CHIC2: variants seen among roughly 807,000 people sequenced by gnomAD.
CHIC2 encodes the protein cysteine rich hydrophobic domain 2.
A neutral mutation model predicts 25.9 loss-of-function variants in CHIC2; 14 were observed. The ratio of observed to expected loss-of-function variants is 0.54; its 90% CI spans 0.36 to 0.85. CHIC2 has a LOEUF of 0.85. Ranked by LOEUF, CHIC2 falls within the 40% of genes least tolerant of loss-of-function variation. The probability of loss-of-function intolerance (pLI) is 0.01; values close to 1 mark genes in which losing one functional copy is unlikely to be tolerated. For missense variants in CHIC2, 146 were observed against 202.0 expected, an observed-to-expected ratio of 0.72 and a Z score of 1.68; for synonymous variants, 70 against 72.0, an observed-to-expected ratio of 0.97 and a Z score of 0.14.
intron 3 of CHIC2, among the ~76,000 whole-genome samples, chr4:54,043,900 A>C (rs1013205812): frequency 1.3e-5 from 2 of 152,236 alleles, no homozygotes; most frequent in African/African-American, 4.8e-5. Flanking sequence ...TGCTGTATTC[A>C]GGAAACACAT....
chr4:54,027,588 A>G (rs1716099751), intron 3 of CHIC2, among the ~76,000 whole-genome samples: 2 of 152,300 alleles, frequency 1.3e-5, no homozygotes, highest in East Asian at 1.9e-4. Flanking sequence ...TAAGATTTCA[A>G]AAAGGTCAAA....
At chr4:54,067,761 T>A (rs766404104), upstream of CHIC2, among the ~76,000 whole-genome samples, 1 of 152,202 alleles carries the variant, frequency 6.6e-6, no homozygotes, top group African/African-American at 2.4e-5. Flanking sequence ...GTTAATTCCT[T>A]AGACTTGAAA....
chr4:54,020,803 G>A (rs571793915), intron 3 of CHIC2, among the ~76,000 whole-genome samples: 8 of 152,222 alleles, frequency 5.3e-5, no homozygotes, highest in African/African-American at 1.9e-4. Flanking sequence ...TCACAGACTC[G>A]GGAAGACAGC....
intron 3 of CHIC2, among the ~76,000 whole-genome samples, chr4:54,023,063 T>C (rs1054109343): frequency 3.3e-5 from 5 of 152,096 alleles, no homozygotes; most frequent in African/African-American, 7.2e-5. Flanking sequence ...GCTGACCCCA[T>C]AGATCCTAAT....
the CHIC2 span, among the ~76,000 whole-genome samples, chr4:54,086,575 A>G: frequency 5.9e-5 from 9 of 152,236 alleles, no homozygotes; most frequent in African/African-American, 2.2e-4. Flanking sequence ...TATGTAGCAT[A>G]TAGTTGGAAA....
At chr4:54,059,713 C>T (rs1214142617) in intron 1 of CHIC2, 7 of 152,060 alleles carry the variant, frequency 4.6e-5, no homozygotes, top group East Asian at 1.9e-4. Context: ...TGCCTTTGTT[C>T]GGAGGTGCAG....
chr4:54,064,334 T>C lies in CHIC2; in HGVS notation c.-34A>G. The C allele has an allele frequency of 1.2e-6, 2 of 1,611,964 alleles. No homozygotes were observed. Among genetic ancestry groups the C allele is most frequent in the Non-Finnish European group, 1.7e-6 (2 of 1,178,970 alleles). On this transcript the variant is annotated 5_prime_UTR_variant, in exon 1 of 6. Transcript: ENST00000263921. The surrounding 1 kb of genome is among the most constrained non-coding windows in gnomAD (Gnocchi z 4.2). ...TCCGAGCTCCCCTGCCCAAAGGGCC[T>C]GACTCCCGGGGTTGGCGCCGGGGTA... is the stretch of plus-strand genomic sequence containing the variant.
chr4:54,081,475 T>C, the CHIC2 span, among the ~76,000 whole-genome samples: 4 of 152,110 alleles, frequency 2.6e-5, no homozygotes, highest in Admixed American at 6.5e-5. Context: ...ATACTTCAAT[T>C]TGATGTAGTC....
chr4:54,022,189 G>A (rs201687878), intron 3 of CHIC2, among the ~76,000 whole-genome samples: 6 of 152,026 alleles, frequency 3.9e-5, no homozygotes, highest in East Asian at 1.9e-4. Flanking sequence ...TGTCCAACTC[G>A]CCCGGCAGCC....
At chr4:54,070,674 C>T in the CHIC2 span, among the ~76,000 whole-genome samples, 14 of 152,088 alleles carry the variant, frequency 9.2e-5, no homozygotes, top group African/African-American at 2.9e-4. Context: ...CTGCCCAACT[C>T]GGCCTCCCAA....
At chr4:54,080,982 A>G in the CHIC2 span, among the ~76,000 whole-genome samples, 1 of 124,688 alleles carries the variant, frequency 8.0e-6, no homozygotes, top group Non-Finnish European at 1.7e-5. Flanking sequence ...ATATATATAT[A>G]TATAAAATCA....
At chr4:54,019,215 T>C (rs1232458044) in intron 3 of CHIC2, among the ~76,000 whole-genome samples, 1 of 151,344 alleles carries the variant, frequency 6.6e-6, no homozygotes, top group Non-Finnish European at 1.5e-5. Context: ...AGTATTATGC[T>C]ACGTGAAAAG....
chr4:54,077,780 A>G, the CHIC2 span, among the ~76,000 whole-genome samples: 10 of 152,190 alleles, frequency 6.6e-5, no homozygotes, highest in African/African-American at 2.4e-4. Flanking sequence ...TTTCTATAGC[A>G]GCCCTCCTGC....
chr4:54,043,420 C>CAAAAAAA (rs902677237), intron 3 of CHIC2, among the ~76,000 whole-genome samples: 3 of 55,866 alleles, frequency 5.4e-5, no homozygotes, highest in African/African-American at 5.8e-5. Context: ...GACTCCATTT[C>CAAAAAAA]AAAAAAAAAA....
chr4:54,010,023 C>T lies in CHIC2; in HGVS notation c.*72G>A, dbSNP rs1359477117. The T allele has an allele frequency of 2.0e-6, 2 of 1,002,350 alleles. No homozygotes were observed. Among genetic ancestry groups the T allele is most frequent in the Admixed American group, 2.0e-5 (1 of 50,058 alleles). 62.1% of individuals were successfully genotyped at this position (1,002,350 alleles called of 1,614,324 possible). A position where few individuals can be genotyped will look rare whatever the true frequency, so the allele number is the denominator to read the frequency against. ...CTGTAGAACCAATGTTATGTCACCACCAGGAGAGCACCAAGCAAGGCACCA... is the reference window on the plus strand; with the variant it reads ...CTGTAGAACCAATGTTATGTCACCATCAGGAGAGCACCAAGCAAGGCACCA... On this transcript the variant is annotated 3_prime_UTR_variant, in exon 6 of 6. Transcript: ENST00000263921.
At chr4:54,035,717 T>C (rs934218378) in intron 3 of CHIC2, among the ~76,000 whole-genome samples, 2 of 152,160 alleles carry the variant, frequency 1.3e-5, no homozygotes, top group Non-Finnish European at 2.9e-5. Flanking sequence ...TAGGTTTCAG[T>C]CTGACCATTA....
At chr4:54,024,384 G>A (rs1715995289) in intron 3 of CHIC2, among the ~76,000 whole-genome samples, 1 of 152,036 alleles carries the variant, frequency 6.6e-6, no homozygotes, top group Non-Finnish European at 1.5e-5. Flanking sequence ...CTTTCACCCT[G>A]ATGAAGTCTT....
the CHIC2 span, among the ~76,000 whole-genome samples, chr4:54,070,791 A>T: frequency 2.8e-3 from 427 of 152,228 alleles, no homozygotes; most frequent in African/African-American, 9.7e-3. Flanking sequence ...ACCACTTCCC[A>T]GCCTGTTATT....
intron 3 of CHIC2, among the ~76,000 whole-genome samples, chr4:54,037,011 A>C (rs1306748747): frequency 1.3e-5 from 2 of 152,212 alleles, no homozygotes; most frequent in Non-Finnish European, 2.9e-5. Context: ...TTCAGCAATA[A>C]AAGGGAATGA....
Sources: gnomAD v4.1 joint callset for allele counts (sites outside exome capture counted in the v4.1 genomes callset) on GRCh38, gnomAD v4.1.1 for gene constraint, Gnocchi (gnomAD v3.1) non-coding constraint, MANE v1.5 for transcripts, NCBI Gene and HGNC (gene_info 2026-07-23, HGNC 2026-07-21) for gene names.